SLC9A6: variants seen among roughly 807,000 people sequenced by gnomAD.
SLC9A6 encodes sodium/hydrogen exchanger 6.
A neutral mutation model predicts 45.3 loss-of-function variants in SLC9A6; 6 were observed. That is an observed-to-expected ratio of 0.13 (90% CI 0.07 to 0.26). The LOEUF (loss-of-function observed/expected upper bound fraction) is 0.26, where lower values mean the gene tolerates loss of function less well. Among genes scored for constraint, SLC9A6 ranks in the 10% least tolerant of loss-of-function variants. The probability of loss-of-function intolerance (pLI) is 1.00; values close to 1 mark genes in which losing one functional copy is unlikely to be tolerated. For missense variants in SLC9A6, 278 were observed against 503.7 expected, an observed-to-expected ratio of 0.55 and a Z score of 4.29; for synonymous variants, 191 against 187.7, an observed-to-expected ratio of 1.02 and a Z score of -0.14.
chrX:136,004,080 C>CTTTTTTTT (rs782804669), intron 7 of SLC9A6, among the ~76,000 whole-genome samples: 1 of 66,243 alleles, frequency 1.5e-5, no homozygotes, highest in African/African-American at 6.0e-5. Flanking sequence ...CCTCCCTAAT[C>CTTTTTTTT]TTTTTTTTTT....
intron 16 of SLC9A6, among the ~76,000 whole-genome samples, chrX:136,035,146 C>T (rs1216666208): frequency 9.0e-6 from 1 of 111,560 alleles, no homozygotes; most frequent in Non-Finnish European, 1.9e-5. Context: ...TACCTAGTGC[C>T]CTGATATAAT....
At chrX:135,980,117 T>A (rs2089279878) in intron 1 of SLC9A6, among the ~76,000 whole-genome samples, 1 of 111,651 alleles carries the variant, frequency 9.0e-6, no homozygotes, top group African/African-American at 3.3e-5. Context: ...TTGGGGAGGT[T>A]TTTGACCAGG....
intron 11 of SLC9A6, among the ~76,000 whole-genome samples, chrX:136,019,659 A>G (rs2071086412): frequency 8.9e-6 from 1 of 112,670 alleles, no homozygotes; most frequent in Non-Finnish European, 1.9e-5. Context: ...AATTGTGAAG[A>G]TAATACAGAA....
At chrX:135,973,837 A>T (rs1166293017), upstream of SLC9A6, 1 of 1,159,057 alleles carries the variant, frequency 8.6e-7, no homozygotes, top group Admixed American at 2.6e-5. Context: ...GAGAAAACGG[A>T]AACAGGAATG....
chrX:135,998,625 AT>A, intron 5 of SLC9A6, 67 bp downstream of exon 5: 1 of 817,868 alleles, frequency 1.2e-6, no homozygotes. Context: ...TATATTTTTG[AT>A]TTATGCAGTG....
intron 10 of SLC9A6, 31 bp downstream of exon 10, chrX:136,013,468 C>T (rs2291639): frequency 1.0e-6 from 1 of 989,014 alleles, no homozygotes; most frequent in Admixed American, 2.2e-5. Context: ...TGTGAATAGG[C>T]TTTTCCTTCT....
intron 1 of SLC9A6, among the ~76,000 whole-genome samples, chrX:135,977,228 A>G (rs1335737930): frequency 8.9e-6 from 1 of 112,347 alleles, no homozygotes; most frequent in African/African-American, 3.2e-5. Context: ...CCAAAGAAAG[A>G]GCCATTTTCC....
At chrX:136,009,318 A>G (rs782392755) in intron 7 of SLC9A6, among the ~76,000 whole-genome samples, 1 of 112,056 alleles carries the variant, frequency 8.9e-6, no homozygotes, top group African/African-American at 3.2e-5. Context: ...GGATCCCATT[A>G]TCAGAAATTA....
At chrX:136,032,458 A>T (rs914760019) in intron 15 of SLC9A6, among the ~76,000 whole-genome samples, 10 of 112,419 alleles carry the variant, frequency 8.9e-5, no homozygotes, top group Admixed American at 7.5e-4. Context: ...AACCCTCATC[A>T]TGTTTTTATA....
At chrX:136,041,028 G>A (rs1340252039) in intron 17 of SLC9A6, among the ~76,000 whole-genome samples, 4 of 111,206 alleles carry the variant, frequency 3.6e-5, no homozygotes, top group African/African-American at 1.3e-4. Flanking sequence ...GGCTGAGGCA[G>A]GAGAATTGCT....
chrX:136,034,166 C>G (rs1308745182), intron 16 of SLC9A6, among the ~76,000 whole-genome samples: 2 of 110,355 alleles, frequency 1.8e-5, no homozygotes, highest in Admixed American at 1.9e-4. Flanking sequence ...GGGAACCGGG[C>G]CACACAGCAG....
intron 11 of SLC9A6, among the ~76,000 whole-genome samples, chrX:136,020,020 C>A (rs1347061229): frequency 8.9e-6 from 1 of 112,248 alleles, no homozygotes; most frequent in Admixed American, 9.4e-5. Context: ...ACTGGAGTTA[C>A]ATGTTCTTTG....
chrX:136,023,169 A>ATGTG (rs2071163543), intron 12 of SLC9A6, among the ~76,000 whole-genome samples: 5 of 2,250 alleles, frequency 2.2e-3, no homozygotes, highest in South Asian at 0.015. Flanking sequence ...AAATGTATAT[A>ATGTG]TATATATATA....
At chrX:136,029,840 G>A in intron 14 of SLC9A6, 1 of 330,256 alleles carries the variant, frequency 3.0e-6, no homozygotes, top group African/African-American at 2.6e-5. Context: ...CCCTGATTCC[G>A]CTTCGAGTGG....
chrX:136,013,395 G>T lies in SLC9A6; in HGVS notation c.1038G>T (p.Thr346=), dbSNP rs782783023. The change falls in exon 10 of 18, where the codon ACG becomes ACT. Residue 346 remains threonine (T), a synonymous_variant. Coordinates refer to ENST00000630721, the MANE Select transcript of SLC9A6 (RefSeq NM_001379110.1). ...GTGGCATCACACAAGCACATTATACGTATAATAATTTGTCCACGGAGTCTC... is the reference window on the plus strand; with the variant it reads ...GTGGCATCACACAAGCACATTATACTTATAATAATTTGTCCACGGAGTCTC... ...LFCGITQAHY[T]YNNLSTESQH... is the part of the protein sequence containing the mutation. 3.0e-5 allele frequency: 36 copies of T among 1,204,945 alleles called. No individual in the cohort carries two copies. Among genetic ancestry groups the T allele is most frequent in the Non-Finnish European group, 3.8e-5 (34 of 891,152 alleles).
At chrX:136,010,273 G>T in intron 7 of SLC9A6, 169 bp from the exon 8 acceptor site, 2 of 451,422 alleles carry the variant, frequency 4.4e-6, no homozygotes, top group South Asian at 3.6e-5. Flanking sequence ...TTTCTTGCTA[G>T]CCAGATACAT....
rs190953477 is a variant in SLC9A6 at position 136,007,361 on chromosome X, C to T, written c.744-3081C>T. Among the ~76,000 whole-genome samples, 921 of 110,607 alleles carry T rather than the reference C, an allele frequency of 8.3e-3. 9 individuals carry two copies. Among genetic ancestry groups the T allele is most frequent in the African/African-American group, 0.029 (889 of 30,353 alleles). ...GCACAGGACAGCATTCCCCTCACCC[C>T]ACCCCCATCACAGCCAACAAATAAA... On this transcript the variant is annotated intron_variant, in intron 7 of 17. Transcript: ENST00000630721.
chrX:135,998,234 G>A, intron 4 of SLC9A6, 49 bp downstream of exon 4: 4 of 789,019 alleles, frequency 5.1e-6, no homozygotes, highest in Non-Finnish European at 7.8e-6. Context: ...AAACTCAGTG[G>A]GCTTTGTAAT....
chrX:135,975,579 A>G (rs1339294309), intron 1 of SLC9A6, among the ~76,000 whole-genome samples: 1 of 112,390 alleles, frequency 8.9e-6, no homozygotes, highest in Non-Finnish European at 1.9e-5. Flanking sequence ...TCTGTACCTA[A>G]AACTTTGACT....
Sources: allele counts gnomAD v4.1 joint callset (sites outside exome capture counted in the v4.1 genomes callset), GRCh38; gene constraint gnomAD v4.1.1; transcripts MANE v1.5; gene names NCBI Gene and HGNC (gene_info 2026-07-23, HGNC 2026-07-21).